Variants in GPR176 observed in about 807,000 individuals in gnomAD.
GPR176 encodes G protein-coupled receptor 176, also known as G-protein coupled receptor 176.
Under a neutral mutation model 35.4 loss-of-function variants are expected in GPR176, and 26 were observed. That is an observed-to-expected ratio of 0.74 (90% CI 0.54 to 1.02). The LOEUF (loss-of-function observed/expected upper bound fraction) is 1.02. Among genes scored for constraint, GPR176 ranks in the 50% least tolerant of loss-of-function variants. The probability of loss-of-function intolerance (pLI) is 0.00; values close to 1 mark genes in which losing one functional copy is unlikely to be tolerated. For missense variants in GPR176, 597 were observed against 665.3 expected (o/e 0.90, Z 1.13); for synonymous variants, 278 against 271.3 (o/e 1.02, Z -0.24).
intron 1 of GPR176, among the ~76,000 whole-genome samples, chr15:39,854,329 T>A (rs1180247002): frequency 6.6e-6 from 1 of 152,176 alleles, no homozygotes; most frequent in African/African-American, 2.4e-5. Context: ...GAGGTTTGAA[T>A]CAGCTCCTTT....
rs1898795453 is a variant in GPR176 at position 39,800,739 on chromosome 15, T to TA, written c.*392dup. 2.2e-5 allele frequency: 4 copies of TA among 178,110 alleles called. No individual in the cohort carries two copies. In the East Asian group the frequency reaches 5.9e-4, roughly 26 times the overall value. 11.0% of individuals were successfully genotyped at this position (178,110 alleles called of 1,614,324 possible). ...CTCCATCATGATCTTGGAATTCCCT[T>TA]AGAGTGCTCCTGCTCCCTGCTCCTG... On this transcript the variant is annotated 3_prime_UTR_variant, in exon 3 of 3. Coordinates refer to ENST00000561100, the MANE Select transcript of GPR176 (RefSeq NM_007223.3).
At position 39,800,768 on chromosome 15, in the gene GPR176, GC is replaced by G. The variant is rs1376742873; in HGVS notation, c.*363del. ...GTGCTCCTGCTCCCTGCTCCTGTGA[GC>G]TCTGAAAGTCTTCTCTCTGTGTGTT... On this transcript the variant is annotated 3_prime_UTR_variant, in exon 3 of 3. Transcript: ENST00000561100. 6 of 199,152 alleles carry G rather than the reference GC, an allele frequency of 3.0e-5. No individual in the cohort carries two copies. The highest frequency in any genetic ancestry group is 6.2e-5 in the Non-Finnish European group (6 of 96,772). The allele number at this position is 199,152 out of a possible 1,614,324, so 12.3% of individuals were successfully genotyped here.
At chr15:39,822,159 G>A (rs1293734130) in intron 1 of GPR176, among the ~76,000 whole-genome samples, 2 of 152,158 alleles carry the variant, frequency 1.3e-5, no homozygotes, top group Non-Finnish European at 2.9e-5. Flanking sequence ...ATGCCTTCAG[G>A]TGGCCACAGC....
At chr15:39,855,073 C>A (rs2031125938) in intron 1 of GPR176, among the ~76,000 whole-genome samples, 1 of 150,616 alleles carries the variant, frequency 6.6e-6, no homozygotes. Flanking sequence ...AAAAGTAATT[C>A]ATTCTCTCCT....
intron 1 of GPR176, among the ~76,000 whole-genome samples, chr15:39,816,862 C>T (rs756333103): frequency 8.6e-5 from 13 of 151,836 alleles, no homozygotes; most frequent in Non-Finnish European, 1.5e-4. Flanking sequence ...CAAGACCCAC[C>T]TGGTCAACAT....
At chr15:39,910,450 G>C (rs2033547926) in intron 1 of GPR176, among the ~76,000 whole-genome samples, 2 of 151,760 alleles carry the variant, frequency 1.3e-5, no homozygotes, top group Admixed American at 1.3e-4. Context: ...AGCTGGGCCT[G>C]GTGGGGCTGA....
At chr15:39,877,904 C>A (rs756802572) in intron 1 of GPR176, among the ~76,000 whole-genome samples, 2 of 152,086 alleles carry the variant, frequency 1.3e-5, no homozygotes, top group Non-Finnish European at 2.9e-5. Flanking sequence ...TATTTCCCAA[C>A]AGAGATGTTC....
At chr15:39,806,080 G>A (rs1899173333) in intron 2 of GPR176, among the ~76,000 whole-genome samples, 1 of 152,150 alleles carries the variant, frequency 6.6e-6, no homozygotes, top group Non-Finnish European at 1.5e-5. Flanking sequence ...CTATAGATGG[G>A]TTCTACAATC....
intron 1 of GPR176, among the ~76,000 whole-genome samples, chr15:39,898,289 T>C (rs2033178088): frequency 6.6e-6 from 1 of 152,166 alleles, no homozygotes; most frequent in Non-Finnish European, 1.5e-5. Context: ...AGTTACTTGG[T>C]ATCCTTAAAA....
At chr15:39,856,852 G>T (rs1051101478) in intron 1 of GPR176, among the ~76,000 whole-genome samples, 8 of 152,142 alleles carry the variant, frequency 5.3e-5, no homozygotes, top group African/African-American at 1.9e-4. Flanking sequence ...TGTTAGATCT[G>T]CAATATCTAG....
intron 1 of GPR176, among the ~76,000 whole-genome samples, chr15:39,859,310 CACA>C (rs1333916621): frequency 6.6e-6 from 1 of 151,310 alleles, no homozygotes; most frequent in African/African-American, 2.4e-5. Context: ...TTCCTAACAA[CACA>C]ACAACAAAAA....
chr15:39,839,201 A>C (rs542309926), intron 1 of GPR176, among the ~76,000 whole-genome samples: 1 of 152,318 alleles, frequency 6.6e-6, no homozygotes, highest in East Asian at 1.9e-4. Context: ...CAAAAGAACA[A>C]AGCTGGAGGC....
At chr15:39,817,099 A>G (rs1267378835) in intron 1 of GPR176, among the ~76,000 whole-genome samples, 1 of 129,842 alleles carries the variant, frequency 7.7e-6, no homozygotes, top group African/African-American at 2.8e-5. Context: ...GAAAAACATT[A>G]ATCAATCCAA....
chr15:39,868,676 G>C (rs1236051206), intron 1 of GPR176, among the ~76,000 whole-genome samples: 2 of 152,142 alleles, frequency 1.3e-5, no homozygotes, highest in Non-Finnish European at 2.9e-5. Context: ...GGCTTTAAGA[G>C]AGACATCTTT....
chr15:39,874,623 T>G (rs1313210071), intron 1 of GPR176, among the ~76,000 whole-genome samples: 1 of 152,250 alleles, frequency 6.6e-6, no homozygotes, highest in Non-Finnish European at 1.5e-5. Flanking sequence ...TCATTGTTGC[T>G]TCACCTTTTA....
intron 1 of GPR176, among the ~76,000 whole-genome samples, chr15:39,839,023 T>C (rs2164483): frequency 0.38 from 57,879 of 151,872 alleles, 11,974 homozygotes; most frequent in East Asian, 0.71. Context: ...ATCACAAGCA[T>C]TGTGAAGAAT....
rs1050775516 is a variant in GPR176 at position 39,867,757 on chromosome 15, G to A, written c.172+52098C>T. On this transcript the variant is annotated intron_variant, in intron 1 of 2. Coordinates refer to ENST00000561100, the MANE Select transcript of GPR176 (RefSeq NM_007223.3). ...GTCAAACTGACAGGAGAGAAAAGAGGAAAAGAGTGAAGTGAGGAGTGGACA... is the reference window on the plus strand; with the variant it reads ...GTCAAACTGACAGGAGAGAAAAGAGAAAAAGAGTGAAGTGAGGAGTGGACA... Among the ~76,000 whole-genome samples, 4 of 152,248 alleles carry A rather than the reference G, an allele frequency of 2.6e-5. No homozygotes were observed. In the South Asian group the frequency reaches 8.3e-4, roughly 32 times the overall value.
chr15:39,836,836 G>C (rs141966803), intron 1 of GPR176, among the ~76,000 whole-genome samples: 23 of 152,220 alleles, frequency 1.5e-4, no homozygotes, highest in African/African-American at 4.8e-4. Context: ...TTGGCACATG[G>C]AGATGCTTAC....
chr15:39,889,884 C>T (rs2032810081), intron 1 of GPR176, among the ~76,000 whole-genome samples: 1 of 152,154 alleles, frequency 6.6e-6, no homozygotes, highest in African/African-American at 2.4e-5. Context: ...TCTCCATAGC[C>T]TCTCTAAGCG....
Sources: allele counts gnomAD v4.1 joint callset (sites outside exome capture counted in the v4.1 genomes callset), GRCh38; gene constraint gnomAD v4.1.1; transcripts MANE v1.5; gene names NCBI Gene and HGNC (gene_info 2026-07-23, HGNC 2026-07-21).